PAK5: variants seen among roughly 807,000 people sequenced by gnomAD.
PAK5 encodes the protein p21 (RAC1) activated kinase 5, also known as serine/threonine-protein kinase PAK 5.
A neutral mutation model predicts 65.9 loss-of-function variants in PAK5; 16 were observed. That is an observed-to-expected ratio of 0.24 (90% CI 0.16 to 0.37). The LOEUF (loss-of-function observed/expected upper bound fraction) is 0.37. Ranked by LOEUF, PAK5 falls within the 10% of genes least tolerant of loss-of-function variation. The pLI is 1.00. For missense variants in PAK5, 785 were observed against 903.9 expected (o/e 0.87, Z 1.69); for synonymous variants, 371 against 354.9 (o/e 1.05, Z -0.51).
At chr20:9,825,806 T>C (rs1446717646) in intron 1 of PAK5, among the ~76,000 whole-genome samples, 2 of 152,202 alleles carry the variant, frequency 1.3e-5, no homozygotes, top group Admixed American at 6.5e-5. Context: ...TTGCGTTATA[T>C]TTAAATTATT....
chr20:9,649,417 C>A (rs1398962535), intron 2 of PAK5, among the ~76,000 whole-genome samples: 2 of 152,158 alleles, frequency 1.3e-5, no homozygotes, highest in South Asian at 2.1e-4. Flanking sequence ...ACCCTATGTT[C>A]TTCTATGAAA....
Position 9,653,809 on chromosome 20 carries a change from G to A in PAK5, c.-11-9470C>T, listed in dbSNP as rs550712016. ...CCTGGTAAAAATCAAGGCATTGGCA[G>A]GGGTATGTCCCTTTCTGGAGTCTCT... On this transcript the variant is annotated intron_variant, in intron 2 of 9. Coordinates refer to ENST00000353224, the MANE Select transcript of PAK5 (RefSeq NM_177990.4). Among the ~76,000 whole-genome samples, 93 of 152,270 alleles carry A rather than the reference G, an allele frequency of 6.1e-4. 1 individual carries two copies. The highest frequency in any genetic ancestry group is 2.1e-3 in the African/African-American group (89 of 41,538).
At chr20:9,665,036 A>G (rs1001423152) in intron 2 of PAK5, among the ~76,000 whole-genome samples, 4 of 149,544 alleles carry the variant, frequency 2.7e-5, no homozygotes, top group African/African-American at 9.9e-5. Context: ...CAGCCTCCCA[A>G]GTAGCTGGAA....
At chr20:9,811,612 C>G (rs2049299003) in intron 1 of PAK5, among the ~76,000 whole-genome samples, 1 of 152,152 alleles carries the variant, frequency 6.6e-6, no homozygotes, top group South Asian at 2.1e-4. Context: ...CTGCATTCAA[C>G]CTAGCTGGTC....
intron 9 of PAK5, among the ~76,000 whole-genome samples, chr20:9,541,464 G>A (rs1434010818): frequency 6.6e-6 from 1 of 152,168 alleles, no homozygotes; most frequent in Non-Finnish European, 1.5e-5. Flanking sequence ...TCATTGCCCT[G>A]TACAATCTAG....
intron 1 of PAK5, among the ~76,000 whole-genome samples, chr20:9,730,102 C>T (rs182385133): frequency 4.4e-4 from 65 of 147,354 alleles, no homozygotes; most frequent in African/African-American, 1.5e-3. Flanking sequence ...CTCCTAAAAA[C>T]AGTCATAAAA....
chr20:9,611,134 C>T (rs922957171), intron 3 of PAK5, among the ~76,000 whole-genome samples: 2 of 152,216 alleles, frequency 1.3e-5, no homozygotes, highest in African/African-American at 4.8e-5. Flanking sequence ...CCAAGATATT[C>T]ATCTCCAATG....
intron 3 of PAK5, among the ~76,000 whole-genome samples, chr20:9,637,157 T>A (rs2046992436): frequency 1.3e-5 from 2 of 152,138 alleles, no homozygotes; most frequent in African/African-American, 4.8e-5. Flanking sequence ...TACACCAGCA[T>A]GCCTGGCTAA....
At chr20:9,621,542 TTA>T (rs1316197479) in intron 3 of PAK5, among the ~76,000 whole-genome samples, 1 of 151,764 alleles carries the variant, frequency 6.6e-6, no homozygotes, top group African/African-American at 2.4e-5. Context: ...AAAAAAATAC[TTA>T]TGTAGGCATA....
At chr20:9,552,070 T>A (rs2045437436) in intron 7 of PAK5, among the ~76,000 whole-genome samples, 1 of 152,182 alleles carries the variant, frequency 6.6e-6, no homozygotes, top group Non-Finnish European at 1.5e-5. Flanking sequence ...TATCATGATG[T>A]GTGAATCCAG....
At chr20:9,764,264 T>A (rs1300249895) in intron 1 of PAK5, among the ~76,000 whole-genome samples, 1 of 152,170 alleles carries the variant, frequency 6.6e-6, no homozygotes, top group Non-Finnish European at 1.5e-5. Context: ...AGGATTTGCC[T>A]GAGTTTTTTC....
chr20:9,779,351 A>AAT (rs925864795), intron 1 of PAK5, among the ~76,000 whole-genome samples: 46 of 103,458 alleles, frequency 4.4e-4, no homozygotes, highest in East Asian at 2.3e-3. Context: ...ACATTTGTCT[A>AAT]ATATATATAT....
At chr20:9,659,976 G>C (rs1336638403) in intron 2 of PAK5, among the ~76,000 whole-genome samples, 2 of 152,142 alleles carry the variant, frequency 1.3e-5, no homozygotes, top group Non-Finnish European at 2.9e-5. Context: ...GGGCAAGAAT[G>C]GGCTTGGTTT....
intron 2 of PAK5, among the ~76,000 whole-genome samples, chr20:9,681,719 C>T (rs891391911): frequency 2.0e-5 from 3 of 152,168 alleles, no homozygotes; most frequent in East Asian, 1.9e-4. Context: ...TTTATTAAAA[C>T]ATTATTATTT....
At chr20:9,721,657 A>C (rs1381847530) in intron 1 of PAK5, among the ~76,000 whole-genome samples, 1 of 31,060 alleles carries the variant, frequency 3.2e-5, no homozygotes, top group African/African-American at 1.1e-4. Context: ...CCATCTCAAA[A>C]AAAAAAAAAA....
In PAK5 at chr20:9,741,852, T is replaced by C. The variant is rs182461952; in HGVS notation, c.-161-30417A>G. ...CTTCTTCAAGCAACACTAAGAAGGA[T>C]CCCAATGATCTAGCAGAGAAAAAAA... On this transcript the variant is annotated intron_variant, in intron 1 of 9. Coordinates refer to ENST00000353224, the MANE Select transcript of PAK5 (RefSeq NM_177990.4). Among the ~76,000 whole-genome samples the C allele has an allele frequency of 8.9e-4, 135 of 151,642 alleles. 1 individual carries two copies. Among genetic ancestry groups the C allele is most frequent in the African/African-American group, 2.9e-3 (120 of 41,294 alleles).
chr20:9,626,132 A>G (rs183540441), intron 3 of PAK5, among the ~76,000 whole-genome samples: 105 of 152,360 alleles, frequency 6.9e-4, no homozygotes, highest in African/African-American at 2.0e-3. Context: ...GAAATTATCA[A>G]TAAAAATAAA....
chr20:9,769,487 T>C (rs916754138), intron 1 of PAK5, among the ~76,000 whole-genome samples: 1 of 152,264 alleles, frequency 6.6e-6, no homozygotes, highest in African/African-American at 2.4e-5. Flanking sequence ...GGCGATGACT[T>C]TGACTTTGAT....
intron 2 of PAK5, among the ~76,000 whole-genome samples, chr20:9,692,637 G>T (rs1304251465): frequency 6.6e-6 from 1 of 152,128 alleles, no homozygotes; most frequent in Non-Finnish European, 1.5e-5. Flanking sequence ...CATCACCCTA[G>T]TTCTTAAGTA....
Sources: allele counts gnomAD v4.1 joint callset (sites outside exome capture counted in the v4.1 genomes callset), GRCh38; gene constraint gnomAD v4.1.1; transcripts MANE v1.5; gene names NCBI Gene and HGNC (gene_info 2026-07-23, HGNC 2026-07-21).